The following ALK variants were observed in gnomAD, a reference collection of about 807,000 sequenced individuals.
The protein encoded by ALK is ALK receptor tyrosine kinase, also known as ALK tyrosine kinase receptor.
In ALK, 74 loss-of-function variants were observed where a neutral mutation model predicts 163.1. The observed-to-expected ratio is 0.45, with a 90% CI of 0.38 to 0.55. The LOEUF (loss-of-function observed/expected upper bound fraction) is 0.55. ALK is among the 20% of genes least tolerant of loss of function. The probability of loss-of-function intolerance (pLI) is 0.00; values close to 1 mark genes in which losing one functional copy is unlikely to be tolerated. For missense variants in ALK, 2,063 were observed against 2,105.3 expected (o/e 0.98, Z 0.39); for synonymous variants, 960 against 843.2 (o/e 1.14, Z -2.40).
intron 2 of ALK, among the ~76,000 whole-genome samples, chr2:29,702,037 A>G (rs1678757297): frequency 6.6e-6 from 1 of 152,048 alleles, no homozygotes; most frequent in African/African-American, 2.4e-5. Context: ...GAAACAGTGT[A>G]CGAGCTCCAC....
chr2:29,520,433 T>C lies in ALK; in HGVS notation c.1154+11482A>G, dbSNP rs190059933. On this transcript the variant is annotated intron_variant, in intron 4 of 28. Coordinates refer to ENST00000389048, the MANE Select transcript of ALK (RefSeq NM_004304.5). ...CAAGTACTGTGCTAGGCATTGCAGA[T>C]ACAGTGATAAATAATGCCCATCCCT... is the stretch of plus-strand genomic sequence containing the variant. Among the ~76,000 whole-genome samples the C allele has an allele frequency of 9.8e-5, 15 of 152,352 alleles. No homozygotes were observed. In the East Asian group the frequency reaches 2.7e-3, roughly 27 times the overall value.
At chr2:29,740,347 A>T (rs1441895886) in intron 1 of ALK, among the ~76,000 whole-genome samples, 1 of 152,102 alleles carries the variant, frequency 6.6e-6, no homozygotes, top group South Asian at 2.1e-4. Flanking sequence ...GAAGACAGAC[A>T]AAGAGGGAGA....
intron 4 of ALK, among the ~76,000 whole-genome samples, chr2:29,477,241 AC>A (rs1437945530): frequency 6.6e-6 from 1 of 151,982 alleles, no homozygotes; most frequent in Non-Finnish European, 1.5e-5. Context: ...CATGGCCAGT[AC>A]CCCCTCATCC....
At chr2:29,894,659 T>C (rs4311029) in intron 1 of ALK, among the ~76,000 whole-genome samples, 96,984 of 151,810 alleles carry the variant, frequency 0.64, 31,792 homozygotes, top group Non-Finnish European at 0.73. Context: ...TACAGAAAAA[T>C]TAAATTTTAA....
intron 3 of ALK, among the ~76,000 whole-genome samples, chr2:29,666,107 G>A (rs1301017398): frequency 6.6e-6 from 1 of 151,956 alleles, no homozygotes; most frequent in African/African-American, 2.4e-5. Context: ...AAAATCTTTT[G>A]CTGAAATCAA....
At chr2:29,196,448 C>A (rs184941570) in intron 28 of ALK, among the ~76,000 whole-genome samples, 1 of 152,170 alleles carries the variant, frequency 6.6e-6, no homozygotes, top group Non-Finnish European at 1.5e-5. Context: ...GTGTTCCATA[C>A]GTCTGTGAAG....
At chr2:29,599,050 T>C (rs1053279430) in intron 3 of ALK, among the ~76,000 whole-genome samples, 1 of 152,186 alleles carries the variant, frequency 6.6e-6, no homozygotes, top group African/African-American at 2.4e-5. Flanking sequence ...CTATGTGGTA[T>C]GGAACCCTGT....
intron 4 of ALK, among the ~76,000 whole-genome samples, chr2:29,480,988 C>T (rs986414351): frequency 1.3e-5 from 2 of 152,146 alleles, no homozygotes; most frequent in African/African-American, 4.8e-5. Flanking sequence ...AAGTCCCTAA[C>T]AAGGAAAAGA....
intron 4 of ALK, among the ~76,000 whole-genome samples, chr2:29,478,540 C>G (rs531242260): frequency 6.6e-5 from 10 of 152,364 alleles, no homozygotes; most frequent in African/African-American, 2.4e-4. Context: ...TTACCCTGTA[C>G]TTAACTTGAG....
chr2:29,648,844 T>G (rs1676958379), intron 3 of ALK, among the ~76,000 whole-genome samples: 1 of 152,190 alleles, frequency 6.6e-6, no homozygotes, highest in South Asian at 2.1e-4. Flanking sequence ...TAAGTAAGGA[T>G]GCACAACAAG....
intron 1 of ALK, among the ~76,000 whole-genome samples, chr2:29,893,137 G>A (rs1325200720): frequency 1.3e-5 from 2 of 152,082 alleles, no homozygotes; most frequent in Admixed American, 1.3e-4. Context: ...TTCTTCTCAG[G>A]CCATAATTCT....
intron 8 of ALK, among the ~76,000 whole-genome samples, chr2:29,305,589 T>C (rs1666488245): frequency 6.6e-6 from 1 of 152,188 alleles, no homozygotes; most frequent in African/African-American, 2.4e-5. Flanking sequence ...CTTGATATCA[T>C]TTTATGTAAA....
chr2:29,313,544 C>T (rs1256050699), intron 8 of ALK, among the ~76,000 whole-genome samples: 1 of 152,176 alleles, frequency 6.6e-6, no homozygotes, highest in Non-Finnish European at 1.5e-5. Context: ...AATGCCAGTT[C>T]TGATGCTTTT....
intron 1 of ALK, among the ~76,000 whole-genome samples, chr2:29,822,187 G>C (rs1665066485): frequency 6.6e-6 from 1 of 152,214 alleles, no homozygotes; most frequent in African/African-American, 2.4e-5. Flanking sequence ...TCAAAGGACT[G>C]AATGGCGAAT....
intron 1 of ALK, among the ~76,000 whole-genome samples, chr2:29,857,069 G>A (rs1666160134): frequency 6.6e-6 from 1 of 152,210 alleles, no homozygotes; most frequent in South Asian, 2.1e-4. Context: ...AGGCGAATGT[G>A]CATGTCTGTG....
rs771205105 is a variant in ALK, at chr2:29,318,380, G to C, written c.1571C>G (p.Thr524Ser). ...HQDHALLLST[T>S]DVPASESATV... is the part of the protein sequence containing the mutation. ...AGCACTTTCAGAAGCGGGGACATCAGTGGTACTGAGCAATAGAGCATGGTC... is the reference window on the plus strand; with the variant it reads ...AGCACTTTCAGAAGCGGGGACATCACTGGTACTGAGCAATAGAGCATGGTC... The change falls in exon 8 of 29, where the codon ACT (threonine) becomes AGT (serine). Residue 524 changes from threonine (T) to serine (S), a missense_variant. By Grantham distance (58) the Thr-to-Ser change is moderately conservative. This residue lies in a region of ALK where 987 missense variants were observed against 939.5 expected (regional missense o/e 1.05). Transcript: ENST00000389048. The C allele has an allele frequency of 1.1e-5, 18 of 1,613,650 alleles. No individual in the cohort carries two copies. In the South Asian group the frequency reaches 2.0e-4, roughly 18 times the overall value.
Position 29,318,434 on chromosome 2 carries a change from G to A in ALK, c.1547-30C>T, listed in dbSNP as rs201235617. The stretch of plus-strand genomic sequence containing the variant: ...GAGAGAGGAAAAGAATCACAAGCAC[G>A]CCATTATCAGGAACTGGGGGACCAG... On this transcript the variant is annotated intron_variant, in intron 7 of 28. Transcript: ENST00000389048. 84 of 1,501,952 alleles carry A rather than the reference G, an allele frequency of 5.6e-5. 1 individual carries two copies. In the East Asian group the frequency reaches 8.6e-4, roughly 15 times the overall value. 93.0% of individuals were successfully genotyped at this position (1,501,952 alleles called of 1,614,324 possible).
At chr2:29,683,868 A>C (rs2148280966) in intron 3 of ALK, among the ~76,000 whole-genome samples, 1 of 152,222 alleles carries the variant, frequency 6.6e-6, no homozygotes, top group East Asian at 1.9e-4. Flanking sequence ...CCACTATGCC[A>C]TTTTCCTGTT....
intron 3 of ALK, among the ~76,000 whole-genome samples, chr2:29,563,817 A>C (rs565154001): frequency 6.6e-6 from 1 of 152,236 alleles, no homozygotes; most frequent in Non-Finnish European, 1.5e-5. Context: ...TAGCCCTCAA[A>C]GAGATAAGGA....
Sources: gnomAD v4.1 joint callset for allele counts (sites outside exome capture counted in the v4.1 genomes callset) on GRCh38, gnomAD v4.1.1 for gene constraint, gnomAD v4.1.1 regional missense constraint, MANE v1.5 for transcripts, NCBI Gene and HGNC (gene_info 2026-07-23, HGNC 2026-07-21) for gene names.